LINGO2: variants seen among roughly 807,000 people sequenced by gnomAD.
LINGO2 encodes the protein leucine rich repeat and Ig domain containing 2, also known as leucine-rich repeat and immunoglobulin-like domain-containing nogo receptor-interacting protein 2.
A neutral mutation model predicts 30.6 loss-of-function variants in LINGO2; 14 were observed. The ratio of observed to expected loss-of-function variants is 0.46; its 90% CI spans 0.30 to 0.72. The LOEUF is 0.72. LINGO2 is among the 30% of genes least tolerant of loss of function. LINGO2 has a pLI of 0.07. For missense variants in LINGO2, 729 were observed against 751.7 expected (o/e 0.97, Z 0.35); for synonymous variants, 317 against 288.5 (o/e 1.10, Z -1.00).
chr9:28,861,023 A>G, the LINGO2 span, among the ~76,000 whole-genome samples: 20 of 127,530 alleles, frequency 1.6e-4, no homozygotes, highest in Non-Finnish European at 1.9e-4. Flanking sequence ...ATAATATATT[A>G]TATAATACAT....
the LINGO2 span, among the ~76,000 whole-genome samples, chr9:28,821,328 T>C: frequency 6.6e-6 from 1 of 151,710 alleles, no homozygotes; most frequent in East Asian, 1.9e-4. Flanking sequence ...ACAGAAGGAG[T>C]AGGAAATAAA....
intron 4 of LINGO2, among the ~76,000 whole-genome samples, chr9:28,196,504 G>T (rs963279454): frequency 2.6e-5 from 4 of 151,672 alleles, no homozygotes; most frequent in African/African-American, 7.3e-5. Flanking sequence ...ATTTACAATG[G>T]AAACAAAAAG....
intron 5 of LINGO2, among the ~76,000 whole-genome samples, chr9:28,007,651 A>G (rs1822333545): frequency 6.6e-6 from 1 of 152,232 alleles, no homozygotes; most frequent in Non-Finnish European, 1.5e-5. Flanking sequence ...GGATTCTATC[A>G]GTTTTACAGA....
intron 4 of LINGO2, among the ~76,000 whole-genome samples, chr9:28,134,826 G>T (rs144592917): frequency 6.6e-6 from 1 of 152,094 alleles, no homozygotes; most frequent in African/African-American, 2.4e-5. Flanking sequence ...TTATGACAAC[G>T]GCAGTGAAGA....
chr9:28,417,756 A>C (rs1823024495), intron 2 of LINGO2, among the ~76,000 whole-genome samples: 1 of 152,200 alleles, frequency 6.6e-6, no homozygotes. Context: ...ATTGTTACTC[A>C]TGTCATACTA....
the LINGO2 span, among the ~76,000 whole-genome samples, chr9:28,873,748 C>CA: frequency 6.6e-6 from 1 of 152,148 alleles, no homozygotes; most frequent in African/African-American, 2.4e-5. Context: ...TGATGTTCTA[C>CA]AAAAAGTAGC....
chr9:28,524,627 C>T (rs1006579466), intron 1 of LINGO2, among the ~76,000 whole-genome samples: 9 of 152,132 alleles, frequency 5.9e-5, no homozygotes, highest in East Asian at 1.9e-4. Context: ...GTGGTGTGCA[C>T]CTGTAATCCC....
intron 4 of LINGO2, among the ~76,000 whole-genome samples, chr9:28,132,722 C>T (rs763074668): frequency 2.6e-5 from 4 of 152,162 alleles, no homozygotes; most frequent in South Asian, 2.1e-4. Context: ...GTTGATTCAA[C>T]GAAAAGACTG....
At chr9:28,190,905 T>C (rs1402483033) in intron 4 of LINGO2, among the ~76,000 whole-genome samples, 2 of 152,218 alleles carry the variant, frequency 1.3e-5, no homozygotes, top group African/African-American at 4.8e-5. Flanking sequence ...ACAACTAATA[T>C]ACCAGACAGA....
intron 5 of LINGO2, among the ~76,000 whole-genome samples, chr9:27,988,194 G>T (rs1473044281): frequency 6.6e-6 from 1 of 151,918 alleles, no homozygotes; most frequent in African/African-American, 2.4e-5. Flanking sequence ...ATTTTTTATG[G>T]CTGCATAGTA....
chr9:28,565,848 C>G (rs575883485), intron 1 of LINGO2, among the ~76,000 whole-genome samples: 4 of 152,078 alleles, frequency 2.6e-5, no homozygotes, highest in Non-Finnish European at 5.9e-5. Flanking sequence ...GCCACTGTGA[C>G]GAGCCCAAAA....
At chr9:28,951,717 C>T in the LINGO2 span, among the ~76,000 whole-genome samples, 2 of 152,036 alleles carry the variant, frequency 1.3e-5, no homozygotes, top group African/African-American at 4.8e-5. Flanking sequence ...GCTCCCAGTG[C>T]CCCAGCTTTT....
At chr9:28,799,267 CA>C in the LINGO2 span, among the ~76,000 whole-genome samples, 1 of 152,110 alleles carries the variant, frequency 6.6e-6, no homozygotes, top group Admixed American at 6.6e-5. Flanking sequence ...CAGACTGCAA[CA>C]AGGAGAGCTA....
At chr9:28,273,185 C>T (rs531473410) in intron 4 of LINGO2, among the ~76,000 whole-genome samples, 1 of 152,294 alleles carries the variant, frequency 6.6e-6, no homozygotes, top group South Asian at 2.1e-4. Flanking sequence ...ATTGTATAAG[C>T]TGACCACACG....
the LINGO2 span, among the ~76,000 whole-genome samples, chr9:29,169,254 C>T: frequency 6.6e-6 from 1 of 152,036 alleles, no homozygotes; most frequent in East Asian, 1.9e-4. Context: ...GGCCCCAAAA[C>T]TCTGTTTCAA....
the LINGO2 span, among the ~76,000 whole-genome samples, chr9:28,914,022 G>C: frequency 6.6e-6 from 1 of 152,016 alleles, no homozygotes. Context: ...AAAAAATTTA[G>C]AAGTCACAAT....
At chr9:28,821,177 C>A in the LINGO2 span, among the ~76,000 whole-genome samples, 1 of 152,156 alleles carries the variant, frequency 6.6e-6, no homozygotes, top group Admixed American at 6.5e-5. Context: ...ACAAAGTGAG[C>A]ATCACACAGG....
At chr9:28,207,748 G>T (rs1820457511) in intron 4 of LINGO2, among the ~76,000 whole-genome samples, 1 of 152,120 alleles carries the variant, frequency 6.6e-6, no homozygotes, top group African/African-American at 2.4e-5. Flanking sequence ...CCAATTTTGA[G>T]AATTGCTGAG....
chr9:29,192,717 T>G, the LINGO2 span, among the ~76,000 whole-genome samples: 3 of 152,300 alleles, frequency 2.0e-5, no homozygotes, highest in Non-Finnish European at 4.4e-5. Context: ...CTTTGTTTGA[T>G]TTTCTGTACC....
Sources: gnomAD v4.1 joint callset for allele counts (sites outside exome capture counted in the v4.1 genomes callset) on GRCh38, gnomAD v4.1.1 for gene constraint, MANE v1.5 for transcripts, NCBI Gene and HGNC (gene_info 2026-07-23, HGNC 2026-07-21) for gene names.